PRPSAP2: variants seen among roughly 807,000 people sequenced by gnomAD.
PRPSAP2 encodes the protein phosphoribosyl pyrophosphate synthetase associated protein 2, also known as phosphoribosyl pyrophosphate synthase-associated protein 2.
PRPSAP2 carries 24 observed loss-of-function variants against 40.6 expected under a neutral mutation model. The observed-to-expected ratio is 0.59, with a 90% CI of 0.43 to 0.83. The LOEUF (loss-of-function observed/expected upper bound fraction) is 0.83, where lower values mean the gene tolerates loss of function less well. PRPSAP2 is among the 40% of genes least tolerant of loss of function. The pLI, the probability that PRPSAP2 is intolerant of heterozygous loss-of-function variation, is 0.00. For missense variants in PRPSAP2, 292 were observed against 465.6 expected (o/e 0.63, Z 3.43); for synonymous variants, 149 against 164.7 (o/e 0.90, Z 0.73).
chr17:18,897,184 G>A (rs935249411), intron 8 of PRPSAP2, among the ~76,000 whole-genome samples: 3 of 151,618 alleles, frequency 2.0e-5, no homozygotes, highest in African/African-American at 7.3e-5. Context: ...TCTCCAACTC[G>A]TGGCCTCAAG....
In PRPSAP2 at chr17:18,928,899, C is replaced by T; in HGVS notation, c.893C>T (p.Thr298Ile). The part of the protein sequence containing the change: ...RGAYKIFVMA[T>I]HGLLSSDAPR... ...GCATATAAGATCTTTGTGATGGCAA[C>T]TCATGGCTTGTTGTCTTCTGACGCC... Residue 298 changes from threonine to isoleucine, a missense_variant, in exon 11 of 12, where the codon ACT becomes ATT. Thr to Ile is a moderately conservative substitution (Grantham distance 89). This residue lies in a region of PRPSAP2 where 241 missense variants were observed against 425.7 expected (regional missense o/e 0.57). Transcript: ENST00000268835. 1.2e-6 allele frequency: 2 copies of T among 1,614,160 alleles called. No individual in the cohort carries two copies. Among genetic ancestry groups the T allele is most frequent in the Non-Finnish European group, 1.7e-6 (2 of 1,180,006 alleles).
chr17:18,892,727 G>GTGTGTGTGTGTGTGTGT (rs60288281), intron 8 of PRPSAP2, among the ~76,000 whole-genome samples: 2 of 126,624 alleles, frequency 1.6e-5, no homozygotes, highest in Admixed American at 8.1e-5. Flanking sequence ...GTGTGTGTGT[G>GTGTGTGTGTGTGTGTGT]TATTTATTTA....
At chr17:18,890,414 C>T (rs965076260) in intron 8 of PRPSAP2, among the ~76,000 whole-genome samples, 5 of 152,196 alleles carry the variant, frequency 3.3e-5, no homozygotes, top group Admixed American at 6.5e-5. Context: ...AGGTGATCCA[C>T]CTGCCTTGGC....
chr17:18,899,520 T>G (rs889666231), intron 8 of PRPSAP2, among the ~76,000 whole-genome samples: 8 of 16,910 alleles, frequency 4.7e-4, no homozygotes, highest in East Asian at 3.1e-3. Context: ...TCCAACTGAG[T>G]TTTTTTTTTT....
intron 8 of PRPSAP2, among the ~76,000 whole-genome samples, chr17:18,891,618 A>G (rs2039548688): frequency 6.6e-6 from 1 of 152,274 alleles, no homozygotes; most frequent in African/African-American, 2.4e-5. Flanking sequence ...ATTTTAAAGT[A>G]TAGAATTCAC....
At chr17:18,914,582 ATGGCCAGGC>A in intron 9 of PRPSAP2, among the ~76,000 whole-genome samples, 1 of 152,176 alleles carries the variant, frequency 6.6e-6, no homozygotes, top group Non-Finnish European at 1.5e-5. Context: ...TCTTTACAAG[ATGGCCAGGC>A]TGATAATTTT....
chr17:18,872,296 C>T (rs923506677), intron 4 of PRPSAP2, among the ~76,000 whole-genome samples: 2 of 151,470 alleles, frequency 1.3e-5, no homozygotes, highest in African/African-American at 4.8e-5. Flanking sequence ...AAAAAGTTAC[C>T]ATGCTCGGAG....
chr17:18,880,521 C>G (rs550973697), intron 6 of PRPSAP2, among the ~76,000 whole-genome samples: 145 of 152,202 alleles, frequency 9.5e-4, no homozygotes, highest in African/African-American at 3.3e-3. Flanking sequence ...ATCCTCCGAC[C>G]TTAGCTTCCA....
intron 4 of PRPSAP2, among the ~76,000 whole-genome samples, chr17:18,871,938 G>C (rs2037914321): frequency 6.6e-6 from 1 of 152,090 alleles, no homozygotes; most frequent in Non-Finnish European, 1.5e-5. Flanking sequence ...GGGATTACAG[G>C]CATGAGCCAC....
chr17:18,923,833 A>C, intron 9 of PRPSAP2, 81 bp from the exon 10 acceptor site: 1 of 1,260,984 alleles, frequency 7.9e-7, no homozygotes, highest in Non-Finnish European at 1.1e-6. Flanking sequence ...GAATGTTTTT[A>C]TCTTGAGATA....
chr17:18,926,775 TGA>T (rs905182240), intron 10 of PRPSAP2, among the ~76,000 whole-genome samples: 3 of 124,762 alleles, frequency 2.4e-5, no homozygotes, highest in African/African-American at 9.1e-5. Flanking sequence ...GTAGTGAGTG[TGA>T]GTGTGTGTGT....
intron 6 of PRPSAP2, among the ~76,000 whole-genome samples, chr17:18,881,023 G>A (rs2038689294): frequency 6.6e-6 from 1 of 151,268 alleles, no homozygotes; most frequent in African/African-American, 2.4e-5. Flanking sequence ...TAGTAGAGAC[G>A]GGGTTTCACC....
At chr17:18,920,647 G>GT (rs2041640083) in intron 9 of PRPSAP2, among the ~76,000 whole-genome samples, 1 of 151,960 alleles carries the variant, frequency 6.6e-6, no homozygotes, top group African/African-American at 2.4e-5. Flanking sequence ...TAAAGATTTT[G>GT]TTATTTAGTA....
intron 9 of PRPSAP2, chr17:18,917,351 G>T (rs1161130164): frequency 1.3e-5 from 2 of 151,072 alleles, no homozygotes; most frequent in Admixed American, 6.6e-5. Context: ...TCTTAATAGG[G>T]GAACAGGAGG....
chr17:18,924,083 A>C, intron 10 of PRPSAP2, 99 bp downstream of exon 10: 1 of 1,217,716 alleles, frequency 8.2e-7, no homozygotes, highest in Admixed American at 1.9e-5. Flanking sequence ...ACTGTCGCCC[A>C]GGCTGGAGTG....
At position 18,885,888 on chromosome 17, in the gene PRPSAP2, A is replaced by G. The variant is rs550387704; in HGVS notation, c.528+3205A>G. Among the ~76,000 whole-genome samples the G allele has an allele frequency of 3.3e-5, 5 of 151,752 alleles. No individual in the cohort carries two copies. In the East Asian group the frequency reaches 7.8e-4, roughly 24 times the overall value. ...AGGTGTGAACCACCGCACTTGGCCT[A>G]ATTTTTGTGTTTTTAGTAGAGATAG... On this transcript the variant is annotated intron_variant, in intron 7 of 11. Transcript: ENST00000268835.
At chr17:18,902,600 G>A (rs755506558) in intron 8 of PRPSAP2, among the ~76,000 whole-genome samples, 2 of 151,976 alleles carry the variant, frequency 1.3e-5, no homozygotes, top group Admixed American at 6.6e-5. Context: ...GGCCAGGTGC[G>A]GTGTCACACC....
chr17:18,911,267 C>A lies in PRPSAP2; in HGVS notation c.733+16C>A. On this transcript the variant is annotated intron_variant, in intron 9 of 11. Transcript: ENST00000268835. The surrounding 1 kb of genome is among the most constrained non-coding windows in gnomAD (Gnocchi z 4.5). ...GAGATCCCCAGTAAGTGTGCTGCTGCCTCTTTCCCACTTTCCTCTGATTTT... is the reference window on the plus strand; with the variant it reads ...GAGATCCCCAGTAAGTGTGCTGCTGACTCTTTCCCACTTTCCTCTGATTTT... The A allele has an allele frequency of 6.3e-7, 1 of 1,585,692 alleles. No individual in the cohort carries two copies. Among genetic ancestry groups the A allele is most frequent in the South Asian group, 1.1e-5 (1 of 88,544 alleles).
intron 6 of PRPSAP2, among the ~76,000 whole-genome samples, chr17:18,882,206 C>A (rs2038808224): frequency 6.6e-6 from 1 of 151,862 alleles, no homozygotes; most frequent in African/African-American, 2.4e-5. Context: ...TTATACAGTG[C>A]AACTTGTTTT....
Sources: allele counts gnomAD v4.1 joint callset (sites outside exome capture counted in the v4.1 genomes callset), GRCh38; gene constraint gnomAD v4.1.1; regional missense constraint gnomAD v4.1.1; non-coding constraint Gnocchi (gnomAD v3.1); transcripts MANE v1.5; gene names NCBI Gene and HGNC (gene_info 2026-07-23, HGNC 2026-07-21).